NLRC5: variants seen among roughly 807,000 people sequenced by gnomAD.
NLRC5 encodes NLR family CARD domain containing 5, also known as protein NLRC5.
NLRC5 carries 114 observed loss-of-function variants against 206.9 expected under a neutral mutation model. That is an observed-to-expected ratio of 0.55 (90% CI 0.47 to 0.64). NLRC5 has a LOEUF of 0.64. Among genes scored for constraint, NLRC5 ranks in the 30% least tolerant of loss-of-function variants. The pLI is 0.00. For missense variants in NLRC5, 2,008 were observed against 2,305.5 expected (o/e 0.87, Z 2.64); for synonymous variants, 952 against 962.8 (o/e 0.99, Z 0.21).
At chr16:57,021,364 G>GT (rs1409605057) in intron 3 of NLRC5, among the ~76,000 whole-genome samples, 2 of 152,002 alleles carry the variant, frequency 1.3e-5, no homozygotes, top group African/African-American at 2.4e-5. Context: ...TTGTTTGTTT[G>GT]TTTTTTATTT....
rs773396330 is a variant in NLRC5 at position 57,026,559 on chromosome 16, A to G, written c.1616A>G (p.Gln539Arg). The G allele has an allele frequency of 1.2e-6, 2 of 1,614,184 alleles. No homozygotes were observed. Among genetic ancestry groups the G allele is most frequent in the Non-Finnish European group, 1.7e-6 (2 of 1,180,042 alleles). ...AAGGTGAACAAAGACACACTTACCC[A>G]GTATGTTACCCTCCATTCCCGCTGG... ...SPKVNKDTLT[Q>R]YVTLHSRWVQ... The change falls in exon 6 of 49, where the codon CAG (glutamine) becomes CGG (arginine). Residue 539 changes from glutamine (Q) to arginine (R), a missense_variant. Coordinates refer to ENST00000688547, the MANE Select transcript of NLRC5 (RefSeq NM_001384950.1).
chr16:57,052,224 G>C (rs75285006), intron 24 of NLRC5, among the ~76,000 whole-genome samples: 1 of 152,232 alleles, frequency 6.6e-6, no homozygotes, highest in Admixed American at 6.5e-5. Flanking sequence ...TGTAATCCCG[G>C]CACTTTGGGA....
Position 57,078,021 on chromosome 16 carries a change from G to GT in NLRC5, c.5081+2dup. 6.3e-7 allele frequency: 1 copy of GT among 1,595,690 alleles called. No individual in the cohort carries two copies. The highest frequency in any genetic ancestry group is 8.6e-7 in the Non-Finnish European group (1 of 1,167,664). On this transcript the variant is annotated splice_donor_variant, in intron 43 of 48. Coordinates refer to ENST00000688547, the MANE Select transcript of NLRC5 (RefSeq NM_001384950.1). LOFTEE classifies it high-confidence loss of function. Reference sequence around the variant, plus strand: ...TGCCCCAGCACCTGAGGGTCCTACAGTGAGTGGCCCCCTGCCCATACCATG... The same window carrying GT: ...TGCCCCAGCACCTGAGGGTCCTACAGTTGAGTGGCCCCCTGCCCATACCATG...
chr16:57,046,204 C>T (rs1339560126), intron 21 of NLRC5, among the ~76,000 whole-genome samples: 11 of 152,216 alleles, frequency 7.2e-5, no homozygotes, highest in African/African-American at 2.7e-4. Context: ...AAAGAACTGA[C>T]GTACAGGGAG....
intron 1 of NLRC5, among the ~76,000 whole-genome samples, chr16:56,990,146 G>GCC (rs2056633153): frequency 6.6e-6 from 1 of 152,052 alleles, no homozygotes; most frequent in Admixed American, 6.6e-5. Context: ...ATATAATGAA[G>GCC]CCCCACCTAT....
intron 23 of NLRC5, 97 bp from the exon 24 acceptor site, chr16:57,051,441 G>C: frequency 1.2e-6 from 1 of 847,200 alleles, no homozygotes; most frequent in Non-Finnish European, 2.0e-6. Context: ...AGGTGACCCT[G>C]GTTAGGTCCC....
At chr16:57,074,791 G>A (rs1036578136) in intron 39 of NLRC5, 108 bp downstream of exon 39, 19 of 1,064,422 alleles carry the variant, frequency 1.8e-5, no homozygotes, top group South Asian at 5.1e-5. Context: ...GATCCTTTGC[G>A]GATCCCTCCC....
intron 18 of NLRC5, 134 bp from the exon 19 acceptor site, chr16:57,041,848 T>TCAGCAGATCTGGCACGGGCA: frequency 1.5e-6 from 1 of 670,458 alleles, no homozygotes. Flanking sequence ...GTGCCAGATC[T>TCAGCAGATCTGGCACGGGCA]GCTGAGATCT....
chr16:57,040,827 C>G, intron 17 of NLRC5, 109 bp downstream of exon 17: 3 of 1,043,782 alleles, frequency 2.9e-6, no homozygotes, highest in Non-Finnish European at 4.4e-6. Flanking sequence ...CTGAAGGACA[C>G]CTGACCTGCT....
Position 57,025,904 on chromosome 16 carries a change from C to G in NLRC5, c.961C>G (p.Pro321Ala). The G allele has an allele frequency of 6.2e-7, 1 of 1,614,208 alleles. No homozygotes were observed. Among genetic ancestry groups the G allele is most frequent in the Non-Finnish European group, 8.5e-7 (1 of 1,180,034 alleles). ...EALQPMGPDG[P>A]GPVLTLFSHL... ...CCTCCAGCCTATGGGTCCTGATGGCCCAGGCCCAGTCCTCACCCTTTTCTC... is the reference window on the plus strand; with the variant it reads ...CCTCCAGCCTATGGGTCCTGATGGCGCAGGCCCAGTCCTCACCCTTTTCTC... Residue 321 changes from proline to alanine, a missense_variant, in exon 6 of 49, where the codon CCA becomes GCA. Transcript: ENST00000688547.
chr16:57,040,615 C>T, intron 16 of NLRC5, 35 bp from the exon 17 acceptor site: 2 of 1,607,350 alleles, frequency 1.2e-6, no homozygotes, highest in Non-Finnish European at 1.7e-6. Context: ...CGGACATGGC[C>T]TTTGCTCAGC....
At chr16:57,032,243 T>TA (rs76285413) in intron 11 of NLRC5, among the ~76,000 whole-genome samples, 163 of 145,832 alleles carry the variant, frequency 1.1e-3, no homozygotes, top group Middle Eastern at 3.5e-3. Context: ...ACCCCATCTC[T>TA]AAAAAAAAAA....
In NLRC5 at chr16:57,076,892, G is replaced by T. The variant is rs1389000390; in HGVS notation, c.4825G>T (p.Glu1609Ter). ...GGCTCTCAGGGCTGCCACCAGCCTA[G>T]AGGAGCTGGAGTGAGTTGCCCATTC... ...SEALRAATSLEELDLSHNQIG... is the reference protein window; with the variant it reads ...SEALRAATSL The change falls in exon 40 of 49, where the codon GAG (glutamate) becomes TAG (stop). Residue 1609 changes from glutamate (E) to a stop codon, truncating the protein, a stop_gained. Coordinates refer to ENST00000688547, the MANE Select transcript of NLRC5 (RefSeq NM_001384950.1). LOFTEE classifies it high-confidence loss of function. 1 of 1,613,950 alleles carries T rather than the reference G, an allele frequency of 6.2e-7. No homozygotes were observed. The highest frequency in any genetic ancestry group is 8.5e-7 in the Non-Finnish European group (1 of 1,180,010).
intron 24 of NLRC5, among the ~76,000 whole-genome samples, chr16:57,053,483 A>G (rs951003026): frequency 2.6e-5 from 4 of 151,984 alleles, no homozygotes; most frequent in African/African-American, 9.7e-5. Context: ...GAGAGTTTAG[A>G]CTTTTGTTCC....
intron 16 of NLRC5, among the ~76,000 whole-genome samples, chr16:57,040,239 C>T (rs1161655943): frequency 6.6e-6 from 1 of 152,202 alleles, no homozygotes; most frequent in Non-Finnish European, 1.5e-5. Flanking sequence ...TCCTGGATTG[C>T]CCCAGCCTAG....
Position 57,065,223 on chromosome 16 carries a change from C to T in NLRC5, c.4166C>T (p.Pro1389Leu), listed in dbSNP as rs145136372. ...CCCTTCTGTGACAGGGTGCAGGAGC[C>T]GTGGGCGGACAGAGCCAGGGTTCTC... ...AGLFSLRVQE[P>L]WADRARVLSL... Residue 1389 changes from proline to leucine, a missense_variant, in exon 33 of 49, where the codon CCG (proline) becomes CTG (leucine). By Grantham distance (98) the Pro-to-Leu change is moderately conservative. Coordinates refer to ENST00000688547, the MANE Select transcript of NLRC5 (RefSeq NM_001384950.1). The T allele has an allele frequency of 2.7e-5, 42 of 1,559,132 alleles. No individual in the cohort carries two copies. Among genetic ancestry groups the T allele is most frequent in the Admixed American group, 7.3e-5 (4 of 54,964 alleles).
chr16:57,074,893 G>T (rs1032126032), intron 39 of NLRC5, among the ~76,000 whole-genome samples: 1 of 152,020 alleles, frequency 6.6e-6, no homozygotes. Flanking sequence ...TGGCCTAAAG[G>T]GCTTAGGCCC....
chr16:57,027,244 T>C (rs896533890), intron 6 of NLRC5, among the ~76,000 whole-genome samples: 1 of 152,228 alleles, frequency 6.6e-6, no homozygotes, highest in East Asian at 1.9e-4. Flanking sequence ...TCTCTGTCAA[T>C]CATGGGCTGA....
At position 57,033,664 on chromosome 16, in the gene NLRC5, G is replaced by A. The variant is rs749550111; in HGVS notation, c.2538G>A (p.Thr846=). The change falls in exon 12 of 49, where the codon ACG becomes ACA. Residue 846 remains threonine (T), a synonymous_variant. Coordinates refer to ENST00000688547, the MANE Select transcript of NLRC5 (RefSeq NM_001384950.1). ...AAGGGGCTCAGAGCAGAAGCTTGAC[G>A]CTCAGGTACCTTGGAGGGATCTATT... ...QRKGAQSRSL[T]LRLQKCQLQV... 2.0e-5 allele frequency: 33 copies of A among 1,613,756 alleles called. No individual in the cohort carries two copies. The Admixed American group carries it at 2.7e-4, about 13-fold the overall frequency.
Sources: gnomAD v4.1 joint callset for allele counts (sites outside exome capture counted in the v4.1 genomes callset) on GRCh38, gnomAD v4.1.1 for gene constraint, MANE v1.5 for transcripts, NCBI Gene and HGNC (gene_info 2026-07-23, HGNC 2026-07-21) for gene names.